CCDC88A: variants seen among roughly 807,000 people sequenced by gnomAD.
CCDC88A encodes girdin.
CCDC88A carries 54 observed loss-of-function variants against 234.3 expected under a neutral mutation model. That is an observed-to-expected ratio of 0.23 (90% CI 0.19 to 0.29). The LOEUF (loss-of-function observed/expected upper bound fraction) is 0.29. Ranked by LOEUF, CCDC88A falls within the 10% of genes least tolerant of loss-of-function variation. The pLI, the probability that CCDC88A is intolerant of heterozygous loss-of-function variation, is 1.00. For missense variants in CCDC88A, 1,832 were observed against 2,123.4 expected, an observed-to-expected ratio of 0.86 and a Z score of 2.70; for synonymous variants, 753 against 737.8, an observed-to-expected ratio of 1.02 and a Z score of -0.33.
Position 55,332,591 on chromosome 2 carries a change from G to T in CCDC88A, c.2830C>A (p.His944Asn). 3 of 1,612,898 alleles carry T rather than the reference G, an allele frequency of 1.9e-6. No individual in the cohort carries two copies. Among genetic ancestry groups the T allele is most frequent in the Non-Finnish European group, 2.5e-6 (3 of 1,179,620 alleles). Residue 944 changes from histidine to asparagine, a missense_variant, in exon 16 of 33, where the codon CAT becomes AAT. Coordinates refer to ENST00000436346, the MANE Select transcript of CCDC88A (RefSeq NM_001365480.1). The surrounding 1 kb of genome is among the most constrained non-coding windows in gnomAD (Gnocchi z 4.5). ...CTGTCATCAGTACTTTGTTCATCAT[G>T]TAAGAGTCGCTCCTTATTTAACCCT... ...KIGLNKERLL[H>N]DEQSTDDSRY...
intron 10 of CCDC88A, chr2:55,345,786 A>G (rs1035887108): frequency 6.4e-6 from 1 of 155,226 alleles, no homozygotes; most frequent in African/African-American, 2.4e-5. Flanking sequence ...GTTTGCATAT[A>G]TATAGACTTC....
intron 19 of CCDC88A, among the ~76,000 whole-genome samples, 200 bp from the exon 20 acceptor site, chr2:55,318,041 C>T (rs1164414522): frequency 6.6e-6 from 1 of 151,868 alleles, no homozygotes; most frequent in East Asian, 1.9e-4. Flanking sequence ...TGTATATATA[C>T]ATATGTATGT....
chr2:55,325,583 G>A (rs995943640), intron 17 of CCDC88A, among the ~76,000 whole-genome samples: 1 of 152,120 alleles, frequency 6.6e-6, no homozygotes, highest in Non-Finnish European at 1.5e-5. Flanking sequence ...AACAGTGAGA[G>A]CAAAATCTTT....
chr2:55,406,651 C>T (rs1005938726), intron 2 of CCDC88A, among the ~76,000 whole-genome samples: 1 of 152,016 alleles, frequency 6.6e-6, no homozygotes, highest in East Asian at 1.9e-4. Context: ...CCCAGTTACT[C>T]GTGAGGCTTA....
At chr2:55,336,168 T>G (rs936975877) in intron 14 of CCDC88A, among the ~76,000 whole-genome samples, 1 of 152,198 alleles carries the variant, frequency 6.6e-6, no homozygotes, top group Non-Finnish European at 1.5e-5. Context: ...CACTCCAGCA[T>G]GAGTGACAGA....
chr2:55,345,545 C>A (rs186882773), intron 10 of CCDC88A: 1 of 152,478 alleles, frequency 6.6e-6, no homozygotes, highest in African/African-American at 2.4e-5. Flanking sequence ...TACAGGCATG[C>A]GCCACCATGC....
At chr2:55,369,331 C>G (rs1384261833) in intron 5 of CCDC88A, among the ~76,000 whole-genome samples, 1 of 152,118 alleles carries the variant, frequency 6.6e-6, no homozygotes, top group East Asian at 1.9e-4. Context: ...CCATGTCTGG[C>G]CTGAAATCTG....
rs1365854188 is a variant in CCDC88A at position 55,296,448 on chromosome 2, G to A, written c.4901C>T (p.Ala1634Val). ...GEFSLLHDHE[A>V]WSSSGSSPIQ... is the part of the protein sequence containing the mutation. ...TGGACTGCTACCACTGCTGGACCAAGCCTCATGGTCATGAAGCAGGCTAAA... is the reference window on the plus strand; with the variant it reads ...TGGACTGCTACCACTGCTGGACCAAACCTCATGGTCATGAAGCAGGCTAAA... Residue 1634 changes from alanine to valine, a missense_variant, in exon 30 of 33, where the codon GCT (alanine) becomes GTT (valine). Transcript: ENST00000436346. 2 of 1,614,232 alleles carry A rather than the reference G, an allele frequency of 1.2e-6. No individual in the cohort carries two copies. Among genetic ancestry groups the A allele is most frequent in the Non-Finnish European group, 1.7e-6 (2 of 1,180,038 alleles).
chr2:55,399,156 A>G (rs1394080665), intron 2 of CCDC88A, among the ~76,000 whole-genome samples: 1 of 152,144 alleles, frequency 6.6e-6, no homozygotes, highest in Non-Finnish European at 1.5e-5. Flanking sequence ...GACAATGTCT[A>G]AAAGGAATAA....
rs761892383 is a variant in CCDC88A at position 55,295,876 on chromosome 2, G to C, written c.5272C>G (p.Pro1758Ala). 3 of 1,614,002 alleles carry C rather than the reference G, an allele frequency of 1.9e-6. No homozygotes were observed. The highest frequency in any genetic ancestry group is 1.1e-5 in the South Asian group (1 of 91,058). ...AAGTAGGTATCTTCAGTTTTTCGAG[G>C]ACCAGGTCTCAAAAACTCAGGCTTA... Reference protein sequence around the residue: ...TTKPEFLRPGPRKTEDTYFIS... With the variant: ...TTKPEFLRPGARKTEDTYFIS... The change falls in exon 31 of 33, where the codon CCT becomes GCT. Residue 1758 changes from proline (P) to alanine (A), a missense_variant. By Grantham distance (27) the Pro-to-Ala change is conservative. Around this residue, in one of 6 missense-constraint regions of CCDC88A, gnomAD observed 422 missense variants for 416.5 expected, o/e 1.01. Coordinates refer to ENST00000436346, the MANE Select transcript of CCDC88A (RefSeq NM_001365480.1).
intron 3 of CCDC88A, among the ~76,000 whole-genome samples, chr2:55,387,741 C>T (rs1366994697): frequency 7.4e-6 from 1 of 135,366 alleles, no homozygotes; most frequent in African/African-American, 2.9e-5. Context: ...GAGATTGCGC[C>T]ACTGCACTCC....
chr2:55,323,921 A>T (rs949873216), intron 17 of CCDC88A: 1 of 152,306 alleles, frequency 6.6e-6, no homozygotes, highest in Non-Finnish European at 1.5e-5. Flanking sequence ...CATGTTGCCC[A>T]TGCTGGTCTC....
At position 55,335,676 on chromosome 2, in the gene CCDC88A, C is replaced by T. The variant is rs560033706; in HGVS notation, c.1657-512G>A. On this transcript the variant is annotated intron_variant, in intron 14 of 32. Transcript: ENST00000436346. This position sits in a 1 kb window ranked among gnomAD's most constrained non-coding sequence, Gnocchi z 4.5. ...TTCTAAGTAGGAAGCATCAAAATCA[C>T]AAAAATCACTGGGTACATTTGGGAA... is the stretch of plus-strand genomic sequence containing the variant. Among the ~76,000 whole-genome samples the T allele has an allele frequency of 2.6e-5, 4 of 152,218 alleles. No homozygotes were observed. Among genetic ancestry groups the T allele is most frequent in the African/African-American group, 9.6e-5 (4 of 41,544 alleles).
intron 2 of CCDC88A, among the ~76,000 whole-genome samples, chr2:55,396,037 C>T (rs571006211): frequency 6.6e-6 from 1 of 151,562 alleles, no homozygotes; most frequent in African/African-American, 2.4e-5. Context: ...AGGAAAAACC[C>T]TGTTTTATTT....
rs1452000965 is a variant in CCDC88A, at chr2:55,328,735, T to G, written c.2856-300A>C. ...AGTCCCAAAATATCCTTTTTATTAATGAAGACTCCTTTGTTTTGTTTTGTT... is the reference window on the plus strand; with the variant it reads ...AGTCCCAAAATATCCTTTTTATTAAGGAAGACTCCTTTGTTTTGTTTTGTT... On this transcript the variant is annotated intron_variant, in intron 16 of 32. Transcript: ENST00000436346. The surrounding 1 kb of genome is among the most constrained non-coding windows in gnomAD (Gnocchi z 4.3). 5.2e-6 allele frequency: 1 copy of G among 193,934 alleles called. No individual in the cohort carries two copies. The highest frequency in any genetic ancestry group is 2.4e-5 in the African/African-American group (1 of 40,970). 12.0% of individuals were successfully genotyped at this position (193,934 alleles called of 1,614,324 possible). A position where few individuals can be genotyped will look rare whatever the true frequency, so the allele number is the denominator to read the frequency against.
chr2:55,405,764 T>C (rs964472556), intron 2 of CCDC88A: 1 of 152,212 alleles, frequency 6.6e-6, no homozygotes, highest in Admixed American at 6.5e-5. Flanking sequence ...GAGAATCTAA[T>C]GGCCCCCGCC....
intron 5 of CCDC88A, among the ~76,000 whole-genome samples, chr2:55,368,127 G>C (rs1459447067): frequency 6.6e-6 from 1 of 152,176 alleles, no homozygotes; most frequent in East Asian, 1.9e-4. Context: ...GAAAATTCTA[G>C]GTGATGCTCA....
At chr2:55,395,764 T>C (rs1003354833) in intron 2 of CCDC88A, among the ~76,000 whole-genome samples, 1 of 152,174 alleles carries the variant, frequency 6.6e-6, no homozygotes, top group Admixed American at 6.5e-5. Context: ...CAATTTGAGA[T>C]CTGCAGAACA....
chr2:55,332,529 A>T lies in CCDC88A; in HGVS notation c.2855+37T>A. The T allele has an allele frequency of 6.3e-7, 1 of 1,579,956 alleles. No individual in the cohort carries two copies. The highest frequency in any genetic ancestry group is 1.2e-5 in the South Asian group (1 of 85,196). ...TCATGTATGAGCAAAAAAAAAAAAAAATTTTCAACTGTTTGCCAAGTAGAC... is the reference window on the plus strand; with the variant it reads ...TCATGTATGAGCAAAAAAAAAAAAATATTTTCAACTGTTTGCCAAGTAGAC... On this transcript the variant is annotated intron_variant, in intron 16 of 32. Coordinates refer to ENST00000436346, the MANE Select transcript of CCDC88A (RefSeq NM_001365480.1). The surrounding 1 kb of genome is among the most constrained non-coding windows in gnomAD (Gnocchi z 4.5).
Sources: gnomAD v4.1 joint callset for allele counts (sites outside exome capture counted in the v4.1 genomes callset) on GRCh38, gnomAD v4.1.1 for gene constraint, gnomAD v4.1.1 regional missense constraint, Gnocchi (gnomAD v3.1) non-coding constraint, MANE v1.5 for transcripts, NCBI Gene and HGNC (gene_info 2026-07-23, HGNC 2026-07-21) for gene names.